MDGA2: variants seen among roughly 807,000 people sequenced by gnomAD.
The protein encoded by MDGA2 is MAM domain-containing glycosylphosphatidylinositol anchor protein 2.
Under a neutral mutation model 117.8 loss-of-function variants are expected in MDGA2, and 40 were observed. The observed-to-expected ratio is 0.34, with a 90% CI of 0.26 to 0.44. MDGA2 has a LOEUF of 0.44. Among genes scored for constraint, MDGA2 ranks in the 20% least tolerant of loss-of-function variants. The pLI is 1.00. For synonymous variants in MDGA2, 452 were observed against 439.0 expected, an observed-to-expected ratio of 1.03 and a Z score of -0.37; for missense variants, 1,123 against 1,250.6, an observed-to-expected ratio of 0.90 and a Z score of 1.54.
chr14:47,135,981 C>A (rs765705189), intron 4 of MDGA2, among the ~76,000 whole-genome samples: 1 of 151,948 alleles, frequency 6.6e-6, no homozygotes, highest in Non-Finnish European at 1.5e-5. Context: ...GGGCTATGAT[C>A]GCAGATTTAT....
Position 47,371,048 on chromosome 14 carries a change from G to A in MDGA2, c.281-69498C>T, listed in dbSNP as rs182866618. On this transcript the variant is annotated intron_variant, in intron 1 of 16. Coordinates refer to ENST00000399232, the MANE Select transcript of MDGA2 (RefSeq NM_001113498.3). ...TTCTTTAAAAACATACTAATAAAAC[G>A]AGGTGAAAAAGGAGTTCTATAAGAT... is the stretch of plus-strand genomic sequence containing the variant. 1.6e-4 allele frequency among the ~76,000 whole-genome samples: 25 copies of A among 151,710 alleles called. No homozygotes were observed. The East Asian group carries it at 3.9e-3, about 23-fold the overall frequency.
chr14:47,350,109 A>G (rs1031078071), intron 1 of MDGA2, among the ~76,000 whole-genome samples: 2 of 152,198 alleles, frequency 1.3e-5, no homozygotes, highest in Non-Finnish European at 2.9e-5. Flanking sequence ...TCATGCTCCA[A>G]CGATGTTCTG....
intron 15 of MDGA2, among the ~76,000 whole-genome samples, chr14:46,847,859 G>A (rs994607117): frequency 2.0e-5 from 3 of 151,982 alleles, no homozygotes; most frequent in Admixed American, 6.6e-5. Context: ...CAAATTGCCC[G>A]TATGAGCAAA....
chr14:47,290,034 T>C (rs1888825828), intron 2 of MDGA2, among the ~76,000 whole-genome samples: 1 of 152,180 alleles, frequency 6.6e-6, no homozygotes, highest in Non-Finnish European at 1.5e-5. Context: ...TCCTTGTGCA[T>C]GAACTTGCAA....
At chr14:47,383,166 G>C (rs1700574840) in intron 1 of MDGA2, among the ~76,000 whole-genome samples, 1 of 152,088 alleles carries the variant, frequency 6.6e-6, no homozygotes. Flanking sequence ...AGAACACTTG[G>C]ACACAGGATG....
At chr14:47,282,640 T>G (rs1038817144) in intron 2 of MDGA2, among the ~76,000 whole-genome samples, 2 of 150,922 alleles carry the variant, frequency 1.3e-5, no homozygotes, top group Non-Finnish European at 2.9e-5. Context: ...GGAGCTTCAG[T>G]GAGCCGAGAT....
rs1399624944 is a variant in MDGA2 at position 47,326,917 on chromosome 14, G to C, written c.281-25367C>G. On this transcript the variant is annotated intron_variant, in intron 1 of 16. Coordinates refer to ENST00000399232, the MANE Select transcript of MDGA2 (RefSeq NM_001113498.3). ...TCAGTCAAAGCCCTGTCGGGAATCAGATAGCACACTCAAAATCATGATTGA... is the reference window on the plus strand; with the variant it reads ...TCAGTCAAAGCCCTGTCGGGAATCACATAGCACACTCAAAATCATGATTGA... 3.3e-5 allele frequency among the ~76,000 whole-genome samples: 5 copies of C among 152,238 alleles called. No homozygotes were observed. In the Middle Eastern group the frequency reaches 0.014, roughly 414 times the overall value.
At chr14:47,532,362 T>C (rs1895118389) in intron 1 of MDGA2, among the ~76,000 whole-genome samples, 1 of 152,202 alleles carries the variant, frequency 6.6e-6, no homozygotes, top group South Asian at 2.1e-4. Context: ...ATTGCCTTCA[T>C]TATCTTCTCA....
At chr14:47,234,655 C>T (rs1886800476) in intron 2 of MDGA2, among the ~76,000 whole-genome samples, 1 of 152,058 alleles carries the variant, frequency 6.6e-6, no homozygotes, top group Non-Finnish European at 1.5e-5. Flanking sequence ...TTCCAAGACG[C>T]TACTGTGGCA....
chr14:47,241,448 GAAGA>G (rs2139605908), intron 2 of MDGA2, among the ~76,000 whole-genome samples: 1 of 151,968 alleles, frequency 6.6e-6, no homozygotes, highest in South Asian at 2.1e-4. Flanking sequence ...TCACAGGATA[GAAGA>G]AATTTAAAAA....
chr14:46,867,098 T>C (rs1881799153), intron 14 of MDGA2, among the ~76,000 whole-genome samples: 1 of 152,132 alleles, frequency 6.6e-6, no homozygotes, highest in Admixed American at 6.5e-5. Context: ...CACATGTATG[T>C]TTATTGTGGC....
intron 1 of MDGA2, among the ~76,000 whole-genome samples, chr14:47,325,439 G>A (rs1448912017): frequency 6.6e-6 from 1 of 152,062 alleles, no homozygotes; most frequent in African/African-American, 2.4e-5. Flanking sequence ...AAGACCTAAT[G>A]GATCAGAATC....
At chr14:47,671,261 A>C (rs1259088155) in intron 1 of MDGA2, among the ~76,000 whole-genome samples, 1 of 152,212 alleles carries the variant, frequency 6.6e-6, no homozygotes, top group Non-Finnish European at 1.5e-5. Context: ...TCCTAGGTCT[A>C]TAGCAGAAAC....
chr14:47,144,959 A>C (rs1882881272), intron 3 of MDGA2, among the ~76,000 whole-genome samples: 1 of 151,680 alleles, frequency 6.6e-6, no homozygotes, highest in Non-Finnish European at 1.5e-5. Flanking sequence ...TCTTTGTCTT[A>C]ATATACTTCT....
intron 3 of MDGA2, among the ~76,000 whole-genome samples, chr14:47,145,611 T>G (rs80343950): frequency 0.02 from 2,982 of 152,260 alleles, 50 homozygotes; most frequent in South Asian, 0.028. Flanking sequence ...TTACCCCTTT[T>G]AATTATAACC....
At chr14:47,221,347 T>C (rs1193798383) in intron 2 of MDGA2, among the ~76,000 whole-genome samples, 1 of 151,986 alleles carries the variant, frequency 6.6e-6, no homozygotes, top group African/African-American at 2.4e-5. Context: ...AGCATAAATG[T>C]CAATTAAAGT....
At chr14:47,525,737 TTTTCTC>T in intron 1 of MDGA2, among the ~76,000 whole-genome samples, 2 of 151,878 alleles carry the variant, frequency 1.3e-5, no homozygotes, top group African/African-American at 4.8e-5. Flanking sequence ...AGTTTTTTTT[TTTTCTC>T]TCTCTCTTTT....
chr14:47,296,641 C>T (rs1056510523), intron 2 of MDGA2, among the ~76,000 whole-genome samples: 4 of 152,060 alleles, frequency 2.6e-5, no homozygotes, highest in South Asian at 2.1e-4. Flanking sequence ...AATACACTGC[C>T]GTTGAGAAAG....
At chr14:47,242,554 C>T (rs994936706) in intron 2 of MDGA2, among the ~76,000 whole-genome samples, 2 of 151,860 alleles carry the variant, frequency 1.3e-5, no homozygotes, top group Non-Finnish European at 2.9e-5. Flanking sequence ...GCCAGTCCTG[C>T]TGGCCCCGGG....
Sources: allele counts gnomAD v4.1 joint callset (sites outside exome capture counted in the v4.1 genomes callset), GRCh38; gene constraint gnomAD v4.1.1; transcripts MANE v1.5; gene names NCBI Gene and HGNC (gene_info 2026-07-23, HGNC 2026-07-21).